Variants in ARHGEF4 observed in about 807,000 individuals in gnomAD.
ARHGEF4 encodes the protein Rho guanine nucleotide exchange factor 4.
ARHGEF4 carries 119 observed loss-of-function variants against 162.0 expected under a neutral mutation model. The ratio of observed to expected loss-of-function variants is 0.73; its 90% CI spans 0.63 to 0.86. The LOEUF (loss-of-function observed/expected upper bound fraction) is 0.86. ARHGEF4 is among the 40% of genes least tolerant of loss of function. ARHGEF4 has a pLI of 0.00. For synonymous variants in ARHGEF4, 1,014 were observed against 979.9 expected (o/e 1.03, Z -0.65); for missense variants, 2,488 against 2,456.0 (o/e 1.01, Z -0.28).
intron 1 of ARHGEF4, among the ~76,000 whole-genome samples, chr2:130,907,924 T>A (rs1438598535): frequency 6.7e-6 from 1 of 150,116 alleles, no homozygotes; most frequent in Non-Finnish European, 1.5e-5. Context: ...ACCACTGCAC[T>A]CCAGCCTGGG....
At chr2:130,878,455 C>T (rs1221242548) in intron 1 of ARHGEF4, among the ~76,000 whole-genome samples, 1 of 152,206 alleles carries the variant, frequency 6.6e-6, no homozygotes, top group East Asian at 1.9e-4. Flanking sequence ...GAGCCAGAGC[C>T]AGCACAGAGG....
intron 1 of ARHGEF4, among the ~76,000 whole-genome samples, chr2:130,908,562 G>C (rs977931801): frequency 6.6e-6 from 1 of 152,164 alleles, no homozygotes. Context: ...TGTCATCCCA[G>C]CTACTTGGGA....
At chr2:130,905,666 G>A (rs918596655) in intron 1 of ARHGEF4, among the ~76,000 whole-genome samples, 1 of 151,996 alleles carries the variant, frequency 6.6e-6, no homozygotes, top group Admixed American at 6.6e-5. Flanking sequence ...AAACAGATGA[G>A]TATAATACAG....
rs372727827 is a variant in ARHGEF4, at chr2:130,872,969, C to T, written c.39+35977C>T. On this transcript the variant is annotated intron_variant, in intron 1 of 13. Coordinates refer to ENST00000409359, the MANE Select transcript of ARHGEF4 (RefSeq NM_001367493.1). Reference sequence around the variant, plus strand: ...CATGCATGCAGAGGCTTGGGGTGTTCGCCTGTGGAGCACACCTTTAGAGGC... The same window carrying T: ...CATGCATGCAGAGGCTTGGGGTGTTTGCCTGTGGAGCACACCTTTAGAGGC... Among the ~76,000 whole-genome samples the T allele has an allele frequency of 2.4e-4, 36 of 152,282 alleles. 1 individual carries two copies. In the East Asian group the frequency reaches 5.4e-3, roughly 23 times the overall value.
At chr2:130,996,905 G>A (rs1485798036) in intron 4 of ARHGEF4, among the ~76,000 whole-genome samples, 1 of 151,848 alleles carries the variant, frequency 6.6e-6, no homozygotes, top group African/African-American at 2.4e-5. Context: ...TTTCTGTTTG[G>A]GTTTCTGTCT....
chr2:130,937,076 T>A (rs2105122096), intron 3 of ARHGEF4, among the ~76,000 whole-genome samples: 1 of 151,822 alleles, frequency 6.6e-6, no homozygotes, highest in South Asian at 2.1e-4. Context: ...CCTGGCTAAT[T>A]TTTTTTCTAT....
chr2:130,952,362 G>A (rs2105165116), intron 4 of ARHGEF4, among the ~76,000 whole-genome samples: 1 of 152,184 alleles, frequency 6.6e-6, no homozygotes, highest in South Asian at 2.1e-4. Flanking sequence ...GAATTCAACA[G>A]CCCTTCATGC....
At chr2:130,951,787 A>G (rs961772105) in intron 4 of ARHGEF4, among the ~76,000 whole-genome samples, 12 of 152,206 alleles carry the variant, frequency 7.9e-5, no homozygotes, top group African/African-American at 2.9e-4. Flanking sequence ...TAATTCCAGT[A>G]ATATATAGAA....
chr2:130,899,784 G>A lies in ARHGEF4; in HGVS notation c.40-14202G>A, dbSNP rs554924673. Among the ~76,000 whole-genome samples, 9 of 152,284 alleles carry A rather than the reference G, an allele frequency of 5.9e-5. No homozygotes were observed. In the South Asian group the frequency reaches 1.9e-3, roughly 32 times the overall value. On this transcript the variant is annotated intron_variant, in intron 1 of 13. Coordinates refer to ENST00000409359, the MANE Select transcript of ARHGEF4 (RefSeq NM_001367493.1). ...GTGTGATTTGATTGGAATCCAAGGG[G>A]GTGGGAGGGCGATGGGTTACAAGGG...
chr2:130,971,886 G>A (rs918200940), intron 4 of ARHGEF4, among the ~76,000 whole-genome samples: 2 of 152,092 alleles, frequency 1.3e-5, no homozygotes, highest in African/African-American at 4.8e-5. Flanking sequence ...TTCTCTTCTC[G>A]ACGTTTCCAA....
intron 4 of ARHGEF4, chr2:130,963,684 G>A (rs1279166999): frequency 6.9e-6 from 1 of 145,774 alleles, no homozygotes; most frequent in African/African-American, 2.5e-5. Flanking sequence ...CGTGCCGACC[G>A]GGCCCGCGAC....
intron 1 of ARHGEF4, among the ~76,000 whole-genome samples, chr2:130,893,600 C>T (rs1393964899): frequency 6.6e-6 from 1 of 152,212 alleles, no homozygotes; most frequent in Non-Finnish European, 1.5e-5. Context: ...GTCTGAGCTG[C>T]TCCGTGTGCC....
At chr2:130,968,177 C>G (rs1685122408) in intron 4 of ARHGEF4, among the ~76,000 whole-genome samples, 1 of 152,324 alleles carries the variant, frequency 6.6e-6, no homozygotes, top group East Asian at 1.9e-4. Context: ...CAAAGTGACT[C>G]TGATCAGTCA....
chr2:130,940,533 A>G (rs529326435), intron 3 of ARHGEF4, among the ~76,000 whole-genome samples: 7 of 149,302 alleles, frequency 4.7e-5, no homozygotes, highest in African/African-American at 1.7e-4. Context: ...CTGACCTCGG[A>G]TGGTAGTATG....
intron 4 of ARHGEF4, among the ~76,000 whole-genome samples, chr2:131,015,947 C>A (rs1402955798): frequency 6.6e-6 from 1 of 152,258 alleles, no homozygotes. Flanking sequence ...TCCCGCAGCG[C>A]AGAGCCACTG....
intron 4 of ARHGEF4, among the ~76,000 whole-genome samples, chr2:131,004,376 A>T (rs1687979358): frequency 1.3e-5 from 2 of 152,190 alleles, no homozygotes; most frequent in Admixed American, 1.3e-4. Context: ...CGTGTTAGCC[A>T]GGATGGTCTC....
At chr2:130,970,511 C>A (rs1276644649) in intron 4 of ARHGEF4, among the ~76,000 whole-genome samples, 4 of 151,014 alleles carry the variant, frequency 2.6e-5, no homozygotes, top group Non-Finnish European at 5.9e-5. Flanking sequence ...ATCGCTTGAA[C>A]CCGGGAGGCG....
intron 1 of ARHGEF4, among the ~76,000 whole-genome samples, chr2:130,912,808 G>T (rs1681270532): frequency 6.6e-6 from 1 of 152,132 alleles, no homozygotes; most frequent in South Asian, 2.1e-4. Context: ...ACACCCAAAA[G>T]AACATTCAAT....
intron 4 of ARHGEF4, chr2:131,011,740 T>C (rs1452260667): frequency 1.1e-5 from 13 of 1,187,080 alleles, no homozygotes; most frequent in Non-Finnish European, 1.6e-5. Flanking sequence ...GGTAAGGAGT[T>C]TTGACTGTCA....
Sources: allele counts gnomAD v4.1 joint callset (sites outside exome capture counted in the v4.1 genomes callset), GRCh38; gene constraint gnomAD v4.1.1; transcripts MANE v1.5; gene names NCBI Gene and HGNC (gene_info 2026-07-23, HGNC 2026-07-21).